GABRA3: variants seen among roughly 807,000 people sequenced by gnomAD.
The protein encoded by GABRA3 is gamma-aminobutyric acid type A receptor subunit alpha3, also known as gamma-aminobutyric acid receptor subunit alpha-3.
A neutral mutation model predicts 30.1 loss-of-function variants in GABRA3; 10 were observed. The ratio of observed to expected loss-of-function variants is 0.33; its 90% CI spans 0.20 to 0.56. The LOEUF is 0.56. Ranked by LOEUF, GABRA3 falls within the 20% of genes least tolerant of loss-of-function variation. GABRA3 has a pLI of 0.89. For missense variants in GABRA3, 233 were observed against 392.0 expected (o/e 0.59, Z 3.42); for synonymous variants, 151 against 146.8 (o/e 1.03, Z -0.21).
At chrX:152,176,047 G>C (rs1053149748) in intron 9 of GABRA3, among the ~76,000 whole-genome samples, 4 of 104,572 alleles carry the variant, frequency 3.8e-5, no homozygotes, top group Non-Finnish European at 5.9e-5. Flanking sequence ...CTGGGTGACA[G>C]AGTGAGTTTC....
intron 3 of GABRA3, among the ~76,000 whole-genome samples, chrX:152,340,986 G>A (rs772820047): frequency 6.3e-5 from 7 of 111,025 alleles, no homozygotes; most frequent in South Asian, 3.8e-4. Context: ...AGTAGTGTAC[G>A]TTGTACCCAA....
At chrX:152,290,095 G>T (rs1939377665) in intron 3 of GABRA3, among the ~76,000 whole-genome samples, 1 of 111,667 alleles carries the variant, frequency 9.0e-6, no homozygotes, top group South Asian at 3.8e-4. Flanking sequence ...ATCCCACAAT[G>T]TCTTTCACAA....
intron 4 of GABRA3, among the ~76,000 whole-genome samples, chrX:152,258,214 C>A (rs1164040064): frequency 9.0e-6 from 1 of 111,032 alleles, no homozygotes; most frequent in Non-Finnish European, 1.9e-5. Flanking sequence ...AAAGTAAAAG[C>A]AAATTTGAAA....
intron 1 of GABRA3, among the ~76,000 whole-genome samples, chrX:152,439,360 T>C (rs1285513429): frequency 9.0e-6 from 1 of 110,898 alleles, no homozygotes; most frequent in Non-Finnish European, 1.9e-5. Context: ...CTCGAACTCC[T>C]GACCTCAAGT....
Position 152,214,742 on chromosome X carries a change from C to T in GABRA3, c.635-6598G>A, listed in dbSNP as rs372670710. Among the ~76,000 whole-genome samples the T allele has an allele frequency of 5.4e-5, 6 of 110,846 alleles. No homozygotes were observed. The East Asian group carries it at 8.6e-4, about 16-fold the overall frequency. On this transcript the variant is annotated intron_variant, in intron 6 of 9. Coordinates refer to ENST00000370314, the MANE Select transcript of GABRA3 (RefSeq NM_000808.4). ...TCTTTCTATTTATTTGTGTCTTCCT[C>T]TATTTTTCTAATCAATGTTTATAGT...
At chrX:152,241,711 G>A (rs765286633) in intron 5 of GABRA3, among the ~76,000 whole-genome samples, 6 of 109,254 alleles carry the variant, frequency 5.5e-5, no homozygotes, top group South Asian at 4.2e-4. Flanking sequence ...CTCGTGGTGC[G>A]CCGTTTCTTA....
intron 5 of GABRA3, among the ~76,000 whole-genome samples, chrX:152,234,557 T>C (rs1467355381): frequency 9.0e-6 from 1 of 111,697 alleles, no homozygotes; most frequent in Non-Finnish European, 1.9e-5. Flanking sequence ...AGGCCAATGA[T>C]CAGTAGAGTT....
chrX:152,293,638 A>G (rs1009997162), intron 3 of GABRA3, among the ~76,000 whole-genome samples: 1 of 111,811 alleles, frequency 8.9e-6, no homozygotes, highest in Non-Finnish European at 1.9e-5. Context: ...GTTAACAAAC[A>G]ATAGTTTGTG....
intron 1 of GABRA3, among the ~76,000 whole-genome samples, chrX:152,429,241 T>C (rs920770089): frequency 3.6e-5 from 4 of 110,531 alleles, no homozygotes; most frequent in Non-Finnish European, 7.6e-5. Context: ...CTTCTATTAA[T>C]CTACCTCCAA....
intron 1 of GABRA3, among the ~76,000 whole-genome samples, chrX:152,407,596 T>A (rs984855925): frequency 9.8e-5 from 11 of 111,715 alleles, no homozygotes; most frequent in Non-Finnish European, 5.7e-5. Flanking sequence ...ATGTCTTCCA[T>A]CAAAGAAAAG....
chrX:152,209,486 G>C (rs1467536791), intron 6 of GABRA3, among the ~76,000 whole-genome samples: 1 of 111,150 alleles, frequency 9.0e-6, no homozygotes, highest in South Asian at 3.8e-4. Flanking sequence ...CAAGCCAGAG[G>C]GGAAGAGGGG....
chrX:152,376,813 T>C (rs1403051748), intron 1 of GABRA3, among the ~76,000 whole-genome samples: 2 of 111,828 alleles, frequency 1.8e-5, no homozygotes, highest in Non-Finnish European at 3.8e-5. Flanking sequence ...TCTATTTCTA[T>C]TCAATATTTT....
intron 3 of GABRA3, among the ~76,000 whole-genome samples, chrX:152,325,583 A>G (rs1940041356): frequency 8.9e-6 from 1 of 112,131 alleles, no homozygotes; most frequent in African/African-American, 3.2e-5. Context: ...CCAGGCAAAG[A>G]GGGTCTGGAG....
Position 152,345,641 on chromosome X carries a change from T to C in GABRA3, c.202A>G (p.Thr68Ala). ...TCCAGAAGACGATCCAAGATTCTGG[T>C]GAAGATAGTGATGTTGTCAGTGCTG... ...DDSTDNITIF[T>A]RILDRLLDGY... The change falls in exon 3 of 10, where the codon ACC (threonine) becomes GCC (alanine). Residue 68 changes from threonine to alanine, a missense_variant. Around this residue, in one of 6 missense-constraint regions of GABRA3, gnomAD observed 69 missense variants for 79.4 expected, o/e 0.87. Coordinates refer to ENST00000370314, the MANE Select transcript of GABRA3 (RefSeq NM_000808.4). 1 of 1,207,467 alleles carries C rather than the reference T, an allele frequency of 8.3e-7. No individual in the cohort carries two copies. The highest frequency in any genetic ancestry group is 1.1e-6 in the Non-Finnish European group (1 of 893,097).
intron 1 of GABRA3, among the ~76,000 whole-genome samples, chrX:152,403,815 C>A (rs916856471): frequency 1.8e-4 from 20 of 110,699 alleles, no homozygotes; most frequent in African/African-American, 6.2e-4. Context: ...CCTACAGTAT[C>A]ACAGAGGTGG....
At chrX:152,291,876 C>T (rs377064271) in intron 3 of GABRA3, among the ~76,000 whole-genome samples, 4 of 111,669 alleles carry the variant, frequency 3.6e-5, no homozygotes, top group African/African-American at 9.8e-5. Context: ...TTCATCGTGG[C>T]GGATAAGCTT....
In GABRA3 at chrX:152,293,390, T is replaced by G. The variant is rs182342769; in HGVS notation, c.263-8655A>C. 1.7e-4 allele frequency among the ~76,000 whole-genome samples: 19 copies of G among 111,364 alleles called. No individual in the cohort carries two copies. The East Asian group carries it at 5.4e-3, about 32-fold the overall frequency. ...GATTGCAAACCCCTGCTTTTTTTTGTTTTGTTTTCCACTTGCTTGTTAGAT... is the reference window on the plus strand; with the variant it reads ...GATTGCAAACCCCTGCTTTTTTTTGGTTTGTTTTCCACTTGCTTGTTAGAT... On this transcript the variant is annotated intron_variant, in intron 3 of 9. Coordinates refer to ENST00000370314, the MANE Select transcript of GABRA3 (RefSeq NM_000808.4).
intron 4 of GABRA3, among the ~76,000 whole-genome samples, chrX:152,273,879 T>G (rs1222809813): frequency 9.0e-6 from 1 of 111,544 alleles, no homozygotes; most frequent in Non-Finnish European, 1.9e-5. Flanking sequence ...GATGGTAAAG[T>G]GTATATGTAT....
chrX:152,388,114 C>T (rs1188682579), intron 1 of GABRA3, among the ~76,000 whole-genome samples: 5 of 111,714 alleles, frequency 4.5e-5, no homozygotes, highest in African/African-American at 9.7e-5. Flanking sequence ...GTGAAAATTA[C>T]ATTTTAGAAC....
Sources: allele counts gnomAD v4.1 joint callset (sites outside exome capture counted in the v4.1 genomes callset), GRCh38; gene constraint gnomAD v4.1.1; regional missense constraint gnomAD v4.1.1; transcripts MANE v1.5; gene names NCBI Gene and HGNC (gene_info 2026-07-23, HGNC 2026-07-21).